GLIS3: variants seen among roughly 807,000 people sequenced by gnomAD.
GLIS3 encodes the protein GLIS family zinc finger 3.
In GLIS3, 53 loss-of-function variants were observed where a neutral mutation model predicts 78.6. The ratio of observed to expected loss-of-function variants is 0.67; its 90% confidence interval spans 0.54 to 0.85. GLIS3 has a LOEUF of 0.85. Among genes scored for constraint, GLIS3 ranks in the 40% least tolerant of loss-of-function variants. The pLI, the probability that GLIS3 is intolerant of heterozygous loss-of-function variation, is 0.00. For synonymous variants in GLIS3, 684 were observed against 509.9 expected (o/e 1.34, Z -4.60); for missense variants, 1,703 against 1,231.1 (o/e 1.38, Z -5.74).
chr9:4,138,223 A>T (rs191319506), intron 2 of GLIS3, among the ~76,000 whole-genome samples: 14 of 152,352 alleles, frequency 9.2e-5, no homozygotes, highest in African/African-American at 3.4e-4. Context: ...AATATAAGAA[A>T]GAATGAATGG....
At chr9:4,163,466 A>C (rs1158231761) in intron 2 of GLIS3, among the ~76,000 whole-genome samples, 1 of 152,250 alleles carries the variant, frequency 6.6e-6, no homozygotes, top group Non-Finnish European at 1.5e-5. Flanking sequence ...TTGTGACCAA[A>C]CTGAGACGAA....
intron 2 of GLIS3, among the ~76,000 whole-genome samples, chr9:4,231,040 CCAGCCT>C (rs1481433031): frequency 6.6e-6 from 1 of 151,694 alleles, no homozygotes; most frequent in African/African-American, 2.4e-5. Context: ...ACACTGCACT[CCAGCCT>C]AGGCAAGAGA....
chr9:4,367,346 A>T, the GLIS3 span, among the ~76,000 whole-genome samples: 8 of 152,164 alleles, frequency 5.3e-5, no homozygotes, highest in East Asian at 1.6e-3. Context: ...CTTTCACCCC[A>T]TCTAATCTGT....
chr9:4,381,265 T>A, the GLIS3 span, among the ~76,000 whole-genome samples: 1 of 152,206 alleles, frequency 6.6e-6, no homozygotes, highest in Non-Finnish European at 1.5e-5. Context: ...AATTTTAGGA[T>A]AGAAGATGAG....
At chr9:3,878,252 C>A (rs113156428) in intron 8 of GLIS3, among the ~76,000 whole-genome samples, 3 of 151,786 alleles carry the variant, frequency 2.0e-5, no homozygotes. Flanking sequence ...ATCTCTATTA[C>A]ATCATTTAAC....
intron 4 of GLIS3, among the ~76,000 whole-genome samples, chr9:3,942,539 GA>G (rs1430257534): frequency 6.6e-6 from 1 of 152,206 alleles, no homozygotes; most frequent in Non-Finnish European, 1.5e-5. Flanking sequence ...AGCTGTAAGT[GA>G]AAGATTACTT....
chr9:3,991,775 C>T (rs923880697), intron 4 of GLIS3, among the ~76,000 whole-genome samples: 2 of 150,064 alleles, frequency 1.3e-5, no homozygotes, highest in African/African-American at 4.9e-5. Flanking sequence ...ACTGCAAGCT[C>T]CGCCTCCCGG....
At chr9:4,451,242 G>C in the GLIS3 span, among the ~76,000 whole-genome samples, 27 of 152,210 alleles carry the variant, frequency 1.8e-4, no homozygotes, top group Admixed American at 5.9e-4. Flanking sequence ...AAGATCAAAA[G>C]AGACAAAGAA....
At chr9:4,010,514 T>C (rs1405298426) in intron 4 of GLIS3, among the ~76,000 whole-genome samples, 1 of 152,004 alleles carries the variant, frequency 6.6e-6, no homozygotes, top group Non-Finnish European at 1.5e-5. Flanking sequence ...TGTGTACAAA[T>C]TGGAAAGCAG....
At chr9:4,482,686 C>T in the GLIS3 span, among the ~76,000 whole-genome samples, 4 of 152,124 alleles carry the variant, frequency 2.6e-5, no homozygotes, top group African/African-American at 9.7e-5. Flanking sequence ...TCATTTGTAT[C>T]CTAATTAATA....
At chr9:4,167,667 C>T (rs1457134792) in intron 2 of GLIS3, among the ~76,000 whole-genome samples, 3 of 152,292 alleles carry the variant, frequency 2.0e-5, no homozygotes, top group African/African-American at 7.2e-5. Context: ...GTTGGTAGCA[C>T]AAGTGGCAGT....
chr9:4,159,328 A>G (rs10758560), intron 2 of GLIS3, among the ~76,000 whole-genome samples: 76,420 of 152,056 alleles, frequency 0.5, 20,788 homozygotes, highest in East Asian at 0.83. Flanking sequence ...CTTTCTTTCA[A>G]TACGGATGAT....
intron 2 of GLIS3, among the ~76,000 whole-genome samples, chr9:4,135,024 A>G (rs1833295934): frequency 1.3e-5 from 2 of 151,586 alleles, no homozygotes; most frequent in South Asian, 4.2e-4. Flanking sequence ...CCTCTATCAG[A>G]AAAAAAAAGA....
intron 2 of GLIS3, among the ~76,000 whole-genome samples, chr9:4,140,792 T>A (rs566773137): frequency 2.6e-5 from 3 of 115,922 alleles, no homozygotes; most frequent in Admixed American, 1.1e-4. Flanking sequence ...TAGACACTGT[T>A]TGAATTTATC....
intron 4 of GLIS3, among the ~76,000 whole-genome samples, chr9:4,038,348 A>G (rs1334722451): frequency 1.3e-5 from 2 of 152,192 alleles, no homozygotes; most frequent in African/African-American, 4.8e-5. Context: ...CTCTAATTAC[A>G]TGAGTCACTG....
the GLIS3 span, among the ~76,000 whole-genome samples, chr9:4,362,684 C>T: frequency 6.6e-6 from 1 of 152,102 alleles, no homozygotes; most frequent in Non-Finnish European, 1.5e-5. Context: ...ATTTTTGCAC[C>T]CTCAGGTAAC....
At chr9:4,465,440 T>C in the GLIS3 span, among the ~76,000 whole-genome samples, 1 of 151,986 alleles carries the variant, frequency 6.6e-6, no homozygotes, top group Non-Finnish European at 1.5e-5. Flanking sequence ...TCCCAGCTAC[T>C]AGGGAGGCGG....
the GLIS3 span, among the ~76,000 whole-genome samples, chr9:4,412,975 C>T: frequency 6.6e-6 from 1 of 152,180 alleles, no homozygotes; most frequent in African/African-American, 2.4e-5. Flanking sequence ...TTTCACCAGC[C>T]CTTTCTTCCA....
chr9:4,472,336 A>C, the GLIS3 span, among the ~76,000 whole-genome samples: 1 of 152,240 alleles, frequency 6.6e-6, no homozygotes, highest in East Asian at 1.9e-4. Context: ...TATTCACAAT[A>C]GCAAAGACTT....
Sources: allele counts gnomAD v4.1 joint callset (sites outside exome capture counted in the v4.1 genomes callset), GRCh38; gene constraint gnomAD v4.1.1; transcripts MANE v1.5; gene names NCBI Gene and HGNC (gene_info 2026-07-23, HGNC 2026-07-21).